The following ROBO2 variants were observed in gnomAD, a reference collection of about 807,000 sequenced individuals.
The protein encoded by ROBO2 is roundabout guidance receptor 2.
ROBO2 carries 53 observed loss-of-function variants against 160.8 expected under a neutral mutation model. The observed-to-expected ratio is 0.33, with a 90% CI of 0.26 to 0.41. The LOEUF is 0.41. Ranked by LOEUF, ROBO2 falls within the 10% of genes least tolerant of loss-of-function variation. The probability of loss-of-function intolerance (pLI) is 1.00; values close to 1 mark genes in which losing one functional copy is unlikely to be tolerated. For synonymous variants in ROBO2, 664 were observed against 611.7 expected (o/e 1.09, Z -1.26); for missense variants, 1,577 against 1,722.4 (o/e 0.92, Z 1.49).
chr3:76,503,013 TGTGTGTGCGC>T (rs1291309869), intron 2 of ROBO2, among the ~76,000 whole-genome samples: 16 of 142,542 alleles, frequency 1.1e-4, no homozygotes, highest in African/African-American at 4.6e-4. Flanking sequence ...TGTGTGTGTG[TGTGTGTGCGC>T]GCGCACGCAT....
intron 5 of ROBO2, among the ~76,000 whole-genome samples, chr3:77,508,199 C>G (rs1474138821): frequency 6.6e-6 from 1 of 151,226 alleles, no homozygotes; most frequent in Admixed American, 6.6e-5. Context: ...ATTGAAAGTT[C>G]CAGCCACCTC....
intron 2 of ROBO2, among the ~76,000 whole-genome samples, chr3:76,578,167 T>C (rs1578275644): frequency 6.6e-6 from 1 of 152,164 alleles, no homozygotes; most frequent in Non-Finnish European, 1.5e-5. Context: ...AATAACAATA[T>C]TGTAGGGTCG....
chr3:76,709,337 C>T (rs1346987013), intron 2 of ROBO2, among the ~76,000 whole-genome samples: 1 of 152,170 alleles, frequency 6.6e-6, no homozygotes, highest in African/African-American at 2.4e-5. Flanking sequence ...TGAGGCTGTG[C>T]CTTCATACTT....
intron 5 of ROBO2, among the ~76,000 whole-genome samples, chr3:77,500,614 T>G (rs1218253567): frequency 6.6e-6 from 1 of 152,178 alleles, no homozygotes; most frequent in African/African-American, 2.4e-5. Flanking sequence ...TTATAAAAAT[T>G]TAAACTTAGA....
chr3:77,422,733 T>G (rs2077824523), intron 2 of ROBO2, among the ~76,000 whole-genome samples: 1 of 152,202 alleles, frequency 6.6e-6, no homozygotes, highest in Non-Finnish European at 1.5e-5. Flanking sequence ...GCCTGGACAC[T>G]CACAGTGATT....
Position 75,986,785 on chromosome 3 carries a change from C to T in ROBO2, c.109+49183C>T, listed in dbSNP as rs2065427122. ...ATGTGATTCTTCTGTTGTTTCACCACCATCCCACCATCTTTTTTTATTTTT... is the reference window on the plus strand; with the variant it reads ...ATGTGATTCTTCTGTTGTTTCACCATCATCCCACCATCTTTTTTTATTTTT... On this transcript the variant is annotated intron_variant, in intron 2 of 26. Coordinates refer to the ROBO2 transcript ENST00000487694. Among the ~76,000 whole-genome samples the T allele has an allele frequency of 4.0e-5, 6 of 151,704 alleles. 1 individual carries two copies. The South Asian group carries it at 1.2e-3, about 32-fold the overall frequency.
intron 2 of ROBO2, among the ~76,000 whole-genome samples, chr3:76,106,833 G>A (rs905992239): frequency 2.0e-5 from 3 of 152,046 alleles, no homozygotes; most frequent in African/African-American, 7.2e-5. Flanking sequence ...GATGAATAGG[G>A]AAAATGCTAA....
At chr3:77,190,448 C>T (rs1306141470) in intron 2 of ROBO2, among the ~76,000 whole-genome samples, 2 of 151,952 alleles carry the variant, frequency 1.3e-5, no homozygotes, top group African/African-American at 4.8e-5. Flanking sequence ...CAGATTCCAA[C>T]CTGAATGCCT....
At chr3:76,858,053 C>A (rs573766800) in intron 2 of ROBO2, among the ~76,000 whole-genome samples, 2 of 152,118 alleles carry the variant, frequency 1.3e-5, no homozygotes, top group African/African-American at 4.8e-5. Flanking sequence ...TCCTTATGGC[C>A]CCCATTCCCT....
intron 2 of ROBO2, among the ~76,000 whole-genome samples, chr3:76,396,665 C>G (rs923203543): frequency 1.3e-5 from 2 of 152,142 alleles, no homozygotes; most frequent in Non-Finnish European, 2.9e-5. Context: ...CACAAGCATT[C>G]TTATGCACCA....
At chr3:76,992,560 A>C (rs1261239161) in intron 2 of ROBO2, among the ~76,000 whole-genome samples, 1 of 151,724 alleles carries the variant, frequency 6.6e-6, no homozygotes. Context: ...TGAGAAAAAA[A>C]ATCATGCACT....
chr3:76,459,341 C>T (rs954813589), intron 2 of ROBO2, among the ~76,000 whole-genome samples: 13 of 152,112 alleles, frequency 8.5e-5, no homozygotes, highest in South Asian at 2.1e-4. Context: ...AAAATTTCAA[C>T]GGTGTAACAT....
chr3:76,439,927 T>C (rs2076848325), intron 2 of ROBO2, among the ~76,000 whole-genome samples: 1 of 152,092 alleles, frequency 6.6e-6, no homozygotes, highest in Non-Finnish European at 1.5e-5. Flanking sequence ...TCCATGCCCT[T>C]GTATCATCCT....
intron 5 of ROBO2, among the ~76,000 whole-genome samples, chr3:77,517,347 TA>T (rs2090131619): frequency 6.6e-6 from 1 of 151,418 alleles, no homozygotes; most frequent in South Asian, 2.1e-4. Context: ...ACTGGCTTCT[TA>T]CATTGAACAA....
intron 2 of ROBO2, among the ~76,000 whole-genome samples, chr3:76,606,791 G>A (rs2109023867): frequency 6.6e-6 from 1 of 152,034 alleles, no homozygotes; most frequent in Non-Finnish European, 1.5e-5. Flanking sequence ...TCATAATAAT[G>A]TCTCCTACTT....
At chr3:77,576,771 GCC>G (rs2093777395) in intron 14 of ROBO2, among the ~76,000 whole-genome samples, 1 of 151,984 alleles carries the variant, frequency 6.6e-6, no homozygotes, top group African/African-American at 2.4e-5. Flanking sequence ...AGAGTCCCTT[GCC>G]CATCCATATA....
rs116596673 is a variant in ROBO2 at position 76,764,038 on chromosome 3, G to A, written c.110-333976G>A. 8.5e-3 allele frequency among the ~76,000 whole-genome samples: 1,296 copies of A among 151,732 alleles called. 12 individuals carry two copies. The highest frequency in any genetic ancestry group is 0.03 in the African/African-American group (1,230 of 41,448). On this transcript the variant is annotated intron_variant, in intron 2 of 26. Coordinates refer to the ROBO2 transcript ENST00000487694. The stretch of plus-strand genomic sequence containing the variant: ...GAAATTTTAACAACAAAGAATCTTC[G>A]TTTTATACTTTATCTAGAAAACTCT...
chr3:76,389,344 C>T (rs892050599), intron 2 of ROBO2, among the ~76,000 whole-genome samples: 5 of 152,158 alleles, frequency 3.3e-5, no homozygotes, highest in Non-Finnish European at 5.9e-5. Flanking sequence ...AAAGAATTTC[C>T]ACACAGCAAG....
intron 2 of ROBO2, among the ~76,000 whole-genome samples, chr3:76,589,438 C>T (rs912094442): frequency 7.9e-5 from 12 of 152,106 alleles, no homozygotes; most frequent in Non-Finnish European, 1.5e-4. Context: ...GTAGCTGGGA[C>T]TACAGGCGCC....
Sources: allele counts gnomAD v4.1 joint callset (sites outside exome capture counted in the v4.1 genomes callset), GRCh38; gene constraint gnomAD v4.1.1; transcripts MANE v1.5; gene names NCBI Gene and HGNC (gene_info 2026-07-23, HGNC 2026-07-21).